The following TNS3 variants were observed in gnomAD, a reference collection of about 807,000 sequenced individuals.
TNS3 encodes the protein tensin-3.
A neutral mutation model predicts 140.9 loss-of-function variants in TNS3; 45 were observed. That is an observed-to-expected ratio of 0.32 (90% CI 0.25 to 0.41). The LOEUF is 0.41. Ranked by LOEUF, TNS3 falls within the 10% of genes least tolerant of loss-of-function variation. The pLI is 1.00. For synonymous variants in TNS3, 815 were observed against 788.4 expected, an observed-to-expected ratio of 1.03 and a Z score of -0.56; for missense variants, 1,716 against 1,906.7, an observed-to-expected ratio of 0.90 and a Z score of 1.86.
intron 3 of TNS3, chr7:47,481,679 C>T (rs1319116298): frequency 3.9e-5 from 38 of 985,228 alleles, no homozygotes; most frequent in Non-Finnish European, 4.3e-5. Flanking sequence ...GCACAAGAGA[C>T]GGGGAGAGGA....
rs114817187 is a variant in TNS3, at chr7:47,431,644, C to A, written c.325-3268G>T. Among the ~76,000 whole-genome samples, 722 of 152,152 alleles carry A rather than the reference C, an allele frequency of 4.7e-3. 3 individuals carry two copies. The highest frequency in any genetic ancestry group is 0.016 in the African/African-American group (672 of 41,516). On this transcript the variant is annotated intron_variant, in intron 8 of 30. Coordinates refer to ENST00000311160, the MANE Select transcript of TNS3 (RefSeq NM_022748.12). ...ATGTTGTACCTGAAGGAACAAAGAACAAACTAAACCCCAAATTAGCAAAGG... is the reference window on the plus strand; with the variant it reads ...ATGTTGTACCTGAAGGAACAAAGAAAAAACTAAACCCCAAATTAGCAAAGG...
chr7:47,373,091 G>A (rs956598726), intron 16 of TNS3, among the ~76,000 whole-genome samples: 2 of 152,156 alleles, frequency 1.3e-5, no homozygotes, highest in African/African-American at 4.8e-5. Context: ...GGAAGGAGAA[G>A]GGGCCTCTGG....
At chr7:47,349,536 G>A (rs777627194) in intron 17 of TNS3, among the ~76,000 whole-genome samples, 1 of 152,224 alleles carries the variant, frequency 6.6e-6, no homozygotes, top group Non-Finnish European at 1.5e-5. Flanking sequence ...GCAAAAGCAG[G>A]GCCACCGGGC....
intron 6 of TNS3, among the ~76,000 whole-genome samples, chr7:47,438,576 G>A (rs1441168550): frequency 6.6e-6 from 1 of 152,124 alleles, no homozygotes; most frequent in Admixed American, 6.5e-5. Flanking sequence ...CAGACAAGAC[G>A]GGCTTCAAGA....
intron 17 of TNS3, among the ~76,000 whole-genome samples, chr7:47,367,937 C>T (rs1007823035): frequency 1.3e-5 from 2 of 152,242 alleles, no homozygotes; most frequent in Non-Finnish European, 2.9e-5. Context: ...ACCTTCAGCC[C>T]CACTGAAGTA....
intron 13 of TNS3, 52 bp downstream of exon 13, chr7:47,411,675 C>A (rs1311298754): frequency 1.9e-5 from 29 of 1,543,334 alleles, no homozygotes; most frequent in Non-Finnish European, 2.2e-5. Context: ...CAAGTCATCA[C>A]CACTGGGAGA....
chr7:47,322,222 A>C (rs911330534), intron 20 of TNS3, among the ~76,000 whole-genome samples: 2 of 150,624 alleles, frequency 1.3e-5, no homozygotes, highest in African/African-American at 4.9e-5. Flanking sequence ...GCAAAAAAAA[A>C]AAAAAAAAAA....
At chr7:47,582,294 C>A (rs919636336), upstream of TNS3, 1 of 378,470 alleles carries the variant, frequency 2.6e-6, no homozygotes, top group Non-Finnish European at 5.2e-6. Context: ...GGGTCCCCCG[C>A]CCTGCCGAGG....
intron 9 of TNS3, among the ~76,000 whole-genome samples, chr7:47,425,090 G>A (rs569149869): frequency 2.0e-4 from 30 of 152,294 alleles, no homozygotes; most frequent in African/African-American, 6.3e-4. Context: ...AGGCCAAGGC[G>A]GGCGGATCAC....
At chr7:47,428,189 A>G (rs1704969) in intron 9 of TNS3, 123 bp downstream of exon 9, 244,303 of 588,570 alleles carry the variant, frequency 0.42, 51,232 homozygotes, top group Non-Finnish European at 0.43. Context: ...AGCACTGGGG[A>G]ATGGGAAACA....
chr7:47,496,539 A>G (rs1299144115), intron 3 of TNS3, among the ~76,000 whole-genome samples: 1 of 152,266 alleles, frequency 6.6e-6, no homozygotes, highest in Non-Finnish European at 1.5e-5. Flanking sequence ...CTGCACCCCC[A>G]GCAGGGTATA....
intron 17 of TNS3, among the ~76,000 whole-genome samples, chr7:47,360,648 A>C (rs1286724853): frequency 6.6e-6 from 1 of 152,186 alleles, no homozygotes; most frequent in East Asian, 1.9e-4. Flanking sequence ...GACCATCCAG[A>C]GACAGCCCCC....
intron 17 of TNS3, among the ~76,000 whole-genome samples, chr7:47,346,748 T>G (rs562723589): frequency 6.6e-6 from 1 of 152,258 alleles, no homozygotes; most frequent in East Asian, 1.9e-4. Flanking sequence ...TGGTGTCCTG[T>G]CAGGACCAGA....
At chr7:47,509,714 C>A (rs1798541127) in intron 2 of TNS3, among the ~76,000 whole-genome samples, 1 of 152,162 alleles carries the variant, frequency 6.6e-6, no homozygotes, top group African/African-American at 2.4e-5. Flanking sequence ...TGCCCTACCC[C>A]TGCCTGCCCT....
chr7:47,491,748 G>A (rs893143228), intron 3 of TNS3, among the ~76,000 whole-genome samples: 7 of 152,116 alleles, frequency 4.6e-5, no homozygotes, highest in South Asian at 2.1e-4. Flanking sequence ...CCCTCGCCCC[G>A]TCCTGTTCAC....
chr7:47,548,094 T>C (rs1799969883), intron 1 of TNS3, among the ~76,000 whole-genome samples: 1 of 152,172 alleles, frequency 6.6e-6, no homozygotes. Context: ...GTGTTGAGGT[T>C]TCACCATGTT....
In TNS3 at chr7:47,276,280, G is replaced by A. The variant is rs1784865016; in HGVS notation, c.*1796C>T. The stretch of plus-strand genomic sequence containing the variant: ...GGTGCATCAATAGGAGCTAAAAAGT[G>A]GAATGGTCCACCTGCTTTCACACAC... On this transcript the variant is annotated 3_prime_UTR_variant, in exon 31 of 31. Coordinates refer to ENST00000311160, the MANE Select transcript of TNS3 (RefSeq NM_022748.12). 5.5e-6 allele frequency: 1 copy of A among 181,020 alleles called. No homozygotes were observed. The highest frequency in any genetic ancestry group is 1.2e-5 in the Non-Finnish European group (1 of 85,772). The allele number at this position is 181,020 out of a possible 1,614,324, so 11.2% of individuals were successfully genotyped here. A position where few individuals can be genotyped will look rare whatever the true frequency, so the allele number is the denominator to read the frequency against.
chr7:47,516,966 G>A (rs1451249910), intron 2 of TNS3, among the ~76,000 whole-genome samples: 2 of 152,202 alleles, frequency 1.3e-5, no homozygotes, highest in South Asian at 2.1e-4. Flanking sequence ...GGGAAGCTGA[G>A]GCAGGAGAAT....
intron 20 of TNS3, among the ~76,000 whole-genome samples, chr7:47,307,087 AG>A (rs1043544495): frequency 1.3e-5 from 2 of 152,200 alleles, no homozygotes; most frequent in Non-Finnish European, 2.9e-5. Context: ...TAATTCGGTC[AG>A]TTTGTCATAT....
Sources: allele counts gnomAD v4.1 joint callset (sites outside exome capture counted in the v4.1 genomes callset), GRCh38; gene constraint gnomAD v4.1.1; transcripts MANE v1.5; gene names NCBI Gene and HGNC (gene_info 2026-07-23, HGNC 2026-07-21).